The following CCSER1 variants were observed in gnomAD, a reference collection of about 807,000 sequenced individuals.
CCSER1 encodes coiled-coil serine rich protein 1, also known as serine-rich coiled-coil domain-containing protein 1.
A neutral mutation model predicts 82.0 loss-of-function variants in CCSER1; 41 were observed. The observed-to-expected ratio is 0.50, with a 90% CI of 0.39 to 0.65. The LOEUF (loss-of-function observed/expected upper bound fraction) is 0.65, where lower values mean the gene tolerates loss of function less well. Among genes scored for constraint, CCSER1 ranks in the 30% least tolerant of loss-of-function variants. The probability of loss-of-function intolerance (pLI) is 0.00; values close to 1 mark genes in which losing one functional copy is unlikely to be tolerated. For missense variants in CCSER1, 1,119 were observed against 1,064.2 expected (o/e 1.05, Z -0.72); for synonymous variants, 414 against 383.9 (o/e 1.08, Z -0.92).
chr4:91,191,248 G>A (rs1734968342), intron 10 of CCSER1, among the ~76,000 whole-genome samples: 1 of 152,046 alleles, frequency 6.6e-6, no homozygotes, highest in African/African-American at 2.4e-5. Flanking sequence ...CATAGGCCCA[G>A]TGTCATTAAC....
At chr4:91,423,859 A>T (rs1236533660) in intron 10 of CCSER1, among the ~76,000 whole-genome samples, 2 of 152,122 alleles carry the variant, frequency 1.3e-5, no homozygotes, top group Admixed American at 6.5e-5. Context: ...TTCAGAGGAG[A>T]CAGCAGGCAG....
In CCSER1 at chr4:90,544,412, G is replaced by A. The variant is rs960565529; in HGVS notation, c.1724+76058G>A. Among the ~76,000 whole-genome samples, 8 of 152,272 alleles carry A rather than the reference G, an allele frequency of 5.3e-5. No homozygotes were observed. The East Asian group carries it at 9.7e-4, about 18-fold the overall frequency. On this transcript the variant is annotated intron_variant, in intron 5 of 10. Transcript: ENST00000509176. ...AAATCAGCCAAAGGAAGAGATGCAT[G>A]TGGCAGAGTCTAGGAAAGTTCCTAG...
At chr4:91,291,191 A>G (rs1743716887) in intron 10 of CCSER1, among the ~76,000 whole-genome samples, 1 of 151,876 alleles carries the variant, frequency 6.6e-6, no homozygotes, top group Non-Finnish European at 1.5e-5. Flanking sequence ...CAGATAGGTA[A>G]TAAGATCACT....
chr4:90,703,248 A>C (rs1032121891), intron 6 of CCSER1, among the ~76,000 whole-genome samples: 1 of 152,198 alleles, frequency 6.6e-6, no homozygotes, highest in Non-Finnish European at 1.5e-5. Context: ...GTTGTTCAGG[A>C]GCAGATTGTT....
intron 7 of CCSER1, among the ~76,000 whole-genome samples, chr4:90,803,214 G>A (rs1390957429): frequency 6.9e-6 from 1 of 144,996 alleles, no homozygotes. Context: ...TAATGTTTTT[G>A]TCTTTTTTTA....
At chr4:90,813,012 T>C (rs1056121710) in intron 7 of CCSER1, among the ~76,000 whole-genome samples, 5 of 152,172 alleles carry the variant, frequency 3.3e-5, no homozygotes, top group African/African-American at 7.2e-5. Context: ...TCTCACATTC[T>C]TGTCACATTT....
intron 10 of CCSER1, among the ~76,000 whole-genome samples, chr4:91,431,537 G>C (rs1021726367): frequency 1.3e-5 from 2 of 151,956 alleles, no homozygotes; most frequent in African/African-American, 4.8e-5. Context: ...GTGCGATCTT[G>C]GCTCACGGCA....
At chr4:90,777,751 A>C (rs189645897) in intron 7 of CCSER1, among the ~76,000 whole-genome samples, 10 of 152,154 alleles carry the variant, frequency 6.6e-5, no homozygotes, top group Non-Finnish European at 1.2e-4. Flanking sequence ...CGTATTGTAC[A>C]TGTGTTATGA....
chr4:90,700,423 A>G, intron 6 of CCSER1, among the ~76,000 whole-genome samples: 1 of 152,060 alleles, frequency 6.6e-6, no homozygotes, highest in Non-Finnish European at 1.5e-5. Context: ...AGTCTTTGCT[A>G]TTGTGAATAG....
chr4:91,222,360 T>C (rs1348161919), intron 10 of CCSER1, among the ~76,000 whole-genome samples: 1 of 152,082 alleles, frequency 6.6e-6, no homozygotes, highest in Non-Finnish European at 1.5e-5. Context: ...GCCCCCCTTT[T>C]ACTTAGCTCA....
At chr4:91,342,198 TC>T (rs770091448) in intron 10 of CCSER1, among the ~76,000 whole-genome samples, 49 of 152,338 alleles carry the variant, frequency 3.2e-4, no homozygotes, top group Admixed American at 5.2e-4. Flanking sequence ...CATACCCATT[TC>T]TAGATGAAGA....
chr4:91,037,139 A>C (rs2150568532), intron 9 of CCSER1, among the ~76,000 whole-genome samples: 1 of 152,206 alleles, frequency 6.6e-6, no homozygotes, highest in Middle Eastern at 3.4e-3. Context: ...CTGCTAGAAT[A>C]GCCAGACAAG....
intron 1 of CCSER1, among the ~76,000 whole-genome samples, chr4:90,156,688 A>G (rs1728266207): frequency 6.6e-6 from 1 of 152,014 alleles, no homozygotes; most frequent in Non-Finnish European, 1.5e-5. Flanking sequence ...CGAGACTGGG[A>G]TTGCAACCCC....
intron 10 of CCSER1, among the ~76,000 whole-genome samples, chr4:91,453,599 A>T (rs1755982519): frequency 6.6e-6 from 1 of 152,014 alleles, no homozygotes; most frequent in Admixed American, 6.6e-5. Flanking sequence ...AATGATGTGT[A>T]CTGAGTTTTC....
chr4:90,235,771 C>A (rs1342735793), intron 1 of CCSER1, among the ~76,000 whole-genome samples: 1 of 151,828 alleles, frequency 6.6e-6, no homozygotes, highest in Non-Finnish European at 1.5e-5. Context: ...AATTCATATA[C>A]CTCATATCAA....
chr4:90,261,202 G>A (rs1375125286), intron 1 of CCSER1, among the ~76,000 whole-genome samples: 5 of 151,690 alleles, frequency 3.3e-5, no homozygotes, highest in Non-Finnish European at 4.4e-5. Context: ...GGCCCTGTGA[G>A]CTTAATGCTT....
chr4:90,807,132 C>T (rs757991265), intron 7 of CCSER1, among the ~76,000 whole-genome samples: 6 of 152,190 alleles, frequency 3.9e-5, no homozygotes, highest in Admixed American at 1.3e-4. Flanking sequence ...GTAACTAGCA[C>T]AGAACTACCT....
At chr4:90,431,259 T>C (rs1276626561) in intron 4 of CCSER1, among the ~76,000 whole-genome samples, 1 of 152,090 alleles carries the variant, frequency 6.6e-6, no homozygotes, top group Admixed American at 6.6e-5. Flanking sequence ...TAGCCTTTAC[T>C]TGAAATCTCA....
chr4:90,343,289 C>T (rs943774636), intron 3 of CCSER1, among the ~76,000 whole-genome samples: 3 of 152,142 alleles, frequency 2.0e-5, no homozygotes, highest in Non-Finnish European at 2.9e-5. Flanking sequence ...CTTCCATTCT[C>T]ACTGTCATTA....
Sources: gnomAD v4.1 joint callset for allele counts (sites outside exome capture counted in the v4.1 genomes callset) on GRCh38, gnomAD v4.1.1 for gene constraint, MANE v1.5 for transcripts, NCBI Gene and HGNC (gene_info 2026-07-23, HGNC 2026-07-21) for gene names.